FGGY: variants seen among roughly 807,000 people sequenced by gnomAD.
FGGY encodes FGGY carbohydrate kinase domain containing.
A neutral mutation model predicts 71.3 loss-of-function variants in FGGY; 72 were observed. The ratio of observed to expected loss-of-function variants is 1.01; its 90% confidence interval spans 0.84 to 1.23. The LOEUF is 1.23. Ranked by LOEUF, FGGY falls within the 50% of genes most tolerant of loss-of-function variation. The probability of loss-of-function intolerance (pLI) is 0.00; values close to 1 mark genes in which losing one functional copy is unlikely to be tolerated. For synonymous variants in FGGY, 251 were observed against 250.3 expected (o/e 1.00, Z -0.02); for missense variants, 668 against 682.3 (o/e 0.98, Z 0.23).
chr1:59,541,285 G>A (rs2153687172), intron 7 of FGGY, among the ~76,000 whole-genome samples: 1 of 152,278 alleles, frequency 6.6e-6, no homozygotes, highest in East Asian at 1.9e-4. Flanking sequence ...GGGAGAAGAA[G>A]GGAAGAACAC....
intron 5 of FGGY, among the ~76,000 whole-genome samples, chr1:59,436,297 A>G (rs2068450650): frequency 6.6e-6 from 1 of 151,738 alleles, no homozygotes; most frequent in Non-Finnish European, 1.5e-5. Flanking sequence ...CTTCTGTTTC[A>G]TGGGGCTGTC....
intron 7 of FGGY, among the ~76,000 whole-genome samples, chr1:59,535,398 T>C (rs377471806): frequency 6.6e-5 from 10 of 151,890 alleles, no homozygotes; most frequent in South Asian, 2.1e-4. Context: ...CTTTAACACC[T>C]CACTGTCAAC....
chr1:59,760,862 T>C (rs1215991853), intron 15 of FGGY, among the ~76,000 whole-genome samples: 1 of 152,208 alleles, frequency 6.6e-6, no homozygotes, highest in Non-Finnish European at 1.5e-5. Context: ...CTATCTCATG[T>C]AGTGAAAGAA....
chr1:59,321,697 C>G lies in FGGY; in HGVS notation c.148C>G (p.His50Asp), dbSNP rs768420286. ...PIKNWEPQFN[H>D]HEQSSEDIWA... ...TAAGAATTGGGAGCCCCAGTTCAACCACCATGAGCAGTCCTCCGAGGACAT... is the reference window on the plus strand; with the variant it reads ...TAAGAATTGGGAGCCCCAGTTCAACGACCATGAGCAGTCCTCCGAGGACAT... Residue 50 changes from histidine (H) to aspartate (D), a missense_variant, in exon 2 of 16, where the codon CAC (histidine) becomes GAC (aspartate). Coordinates refer to ENST00000303721, the MANE Select transcript of FGGY (RefSeq NM_018291.5). 6.2e-7 allele frequency: 1 copy of G among 1,612,990 alleles called. No individual in the cohort carries two copies. Among genetic ancestry groups the G allele is most frequent in the South Asian group, 1.1e-5 (1 of 90,812 alleles).
intron 5 of FGGY, among the ~76,000 whole-genome samples, chr1:59,409,839 G>GGATAATTAAGTTTTATGGAGTATCCA (rs1421452091): frequency 2.6e-5 from 4 of 152,120 alleles, no homozygotes; most frequent in Admixed American, 1.3e-4. Context: ...TCCATTATGT[G>GGATAATTAAGTTTTATGGAGTATCCA]TTAGGCATTG....
At chr1:59,409,938 T>G (rs747608340) in intron 5 of FGGY, among the ~76,000 whole-genome samples, 2 of 152,188 alleles carry the variant, frequency 1.3e-5, no homozygotes, top group Non-Finnish European at 2.9e-5. Context: ...AGGAAATCCC[T>G]GCAATACAGA....
chr1:59,380,873 T>C (rs2059339914), intron 5 of FGGY, among the ~76,000 whole-genome samples: 2 of 151,598 alleles, frequency 1.3e-5, no homozygotes, highest in Admixed American at 1.3e-4. Context: ...TGCCCATGCC[T>C]ATGTCCTGAA....
intron 5 of FGGY, among the ~76,000 whole-genome samples, chr1:59,423,916 T>C (rs2065881750): frequency 6.6e-6 from 1 of 152,234 alleles, no homozygotes; most frequent in African/African-American, 2.4e-5. Context: ...TCTACCACCT[T>C]GTCTCACCTG....
chr1:59,681,584 TTAC>T, intron 14 of FGGY, among the ~76,000 whole-genome samples: 1 of 152,336 alleles, frequency 6.6e-6, no homozygotes, highest in Admixed American at 6.5e-5. Context: ...CTCACTCTAA[TTAC>T]TATTTATGCC....
At position 59,507,719 on chromosome 1, in the gene FGGY, A is replaced by G. The variant is rs981444375; in HGVS notation, c.671-4592A>G. On this transcript the variant is annotated intron_variant, in intron 6 of 15. Transcript: ENST00000303721. ...TTTTTTTTTTTTTTGTATTTTTAGT[A>G]GAGACGGGGTTTCATCATGTTGGCC... 3.4e-5 allele frequency among the ~76,000 whole-genome samples: 3 copies of G among 89,014 alleles called. No homozygotes were observed. In the Admixed American group the frequency reaches 4.1e-4, roughly 12 times the overall value. 58.4% of individuals were successfully genotyped at this position (89,014 alleles called of 152,430 possible).
intron 5 of FGGY, among the ~76,000 whole-genome samples, chr1:59,453,519 C>T (rs1380325107): frequency 6.6e-6 from 1 of 152,160 alleles, no homozygotes; most frequent in African/African-American, 2.4e-5. Flanking sequence ...GGTGATCCTT[C>T]TGGTCTCAGT....
chr1:59,313,575 C>A (rs1386576226), intron 1 of FGGY, among the ~76,000 whole-genome samples: 2 of 151,964 alleles, frequency 1.3e-5, no homozygotes, highest in East Asian at 1.9e-4. Context: ...GTATCACACA[C>A]ACACACACGC....
In FGGY at chr1:59,469,895, A is replaced by G. The variant is rs189858361; in HGVS notation, c.670+12819A>G. 3.9e-3 allele frequency among the ~76,000 whole-genome samples: 600 copies of G among 152,284 alleles called. 4 individuals are homozygous for G. The highest frequency in any genetic ancestry group is 0.013 in the African/African-American group (558 of 41,554). ...TTAGTTGCTAAGAATGATGGCCTCT[A>G]GCTCCATCCATGTCCCTGCAAAGGA... On this transcript the variant is annotated intron_variant, in intron 6 of 15. Coordinates refer to ENST00000303721, the MANE Select transcript of FGGY (RefSeq NM_018291.5).
At chr1:59,503,531 A>G (rs1455266904) in intron 6 of FGGY, among the ~76,000 whole-genome samples, 4 of 148,994 alleles carry the variant, frequency 2.7e-5, no homozygotes, top group Non-Finnish European at 5.9e-5. Context: ...GTGTAATGAG[A>G]TGCTTGGGCC....
At chr1:59,539,871 A>G (rs2095412916) in intron 7 of FGGY, among the ~76,000 whole-genome samples, 1 of 152,252 alleles carries the variant, frequency 6.6e-6, no homozygotes, top group South Asian at 2.1e-4. Flanking sequence ...TATCCAGAGT[A>G]TGTAAAGAAT....
At chr1:59,615,792 A>T (rs2096746062) in intron 9 of FGGY, among the ~76,000 whole-genome samples, 1 of 152,208 alleles carries the variant, frequency 6.6e-6, no homozygotes, top group South Asian at 2.1e-4. Context: ...ACTCAAACAA[A>T]TTCACAAGAA....
chr1:59,628,892 A>G (rs1463086044), intron 10 of FGGY, among the ~76,000 whole-genome samples: 28 of 152,098 alleles, frequency 1.8e-4, no homozygotes, highest in Non-Finnish European at 8.8e-5. Context: ...TTAGTACCTC[A>G]CTGTAAAGGG....
intron 5 of FGGY, among the ~76,000 whole-genome samples, chr1:59,412,277 A>C (rs1437593759): frequency 6.6e-6 from 1 of 152,098 alleles, no homozygotes; most frequent in East Asian, 1.9e-4. Context: ...CTGTTCCCAC[A>C]CATGTACAAC....
At chr1:59,738,022 G>C (rs1438474183) in intron 14 of FGGY, among the ~76,000 whole-genome samples, 1 of 152,178 alleles carries the variant, frequency 6.6e-6, no homozygotes, top group Non-Finnish European at 1.5e-5. Context: ...CAAAGTAAAA[G>C]AAGAGTCTAG....
Sources: allele counts gnomAD v4.1 joint callset (sites outside exome capture counted in the v4.1 genomes callset), GRCh38; gene constraint gnomAD v4.1.1; transcripts MANE v1.5; gene names NCBI Gene and HGNC (gene_info 2026-07-23, HGNC 2026-07-21).